SLC25A26: variants seen among roughly 807,000 people sequenced by gnomAD.
SLC25A26 encodes the protein solute carrier family 25 member 26, also known as mitochondrial S-adenosylmethionine carrier protein.
A neutral mutation model predicts 37.8 loss-of-function variants in SLC25A26; 36 were observed. The observed-to-expected ratio is 0.95, with a 90% CI of 0.73 to 1.26. The LOEUF is 1.26. Among genes scored for constraint, SLC25A26 ranks in the 50% most tolerant of loss-of-function variants. The pLI is 0.00. For synonymous variants in SLC25A26, 129 were observed against 122.5 expected (o/e 1.05, Z -0.35); for missense variants, 390 against 331.1 (o/e 1.18, Z -1.38).
At chr3:66,244,071 C>T (rs782572631) in intron 3 of SLC25A26, among the ~76,000 whole-genome samples, 5 of 152,298 alleles carry the variant, frequency 3.3e-5, no homozygotes, top group South Asian at 2.1e-4. Context: ...GGAGAAGCAA[C>T]AGCCCTATAC....
At position 66,209,928 on chromosome 3, in the gene SLC25A26, A is replaced by ATATATATATG. The variant is rs2071260910; in HGVS notation, c.-353-10805_-353-10804insGTATATATAT. Among the ~76,000 whole-genome samples, 4 of 74,684 alleles carry ATATATATATG rather than the reference A, an allele frequency of 5.4e-5. 1 individual carries two copies. Among genetic ancestry groups the ATATATATATG allele is most frequent in the African/African-American group, 2.5e-4 (4 of 15,874 alleles). The allele number at this position is 74,684 out of a possible 152,430, so 49.0% of individuals were successfully genotyped here. ...TATATATATATATATATATATATAT[A>ATATATATATG]TATATATATATATATATATGCAGTA... On this transcript the variant is annotated intron_variant, in intron 1 of 10. Coordinates refer to the SLC25A26 transcript ENST00000676754.
chr3:66,349,127 A>G (rs181561930), intron 6 of SLC25A26, among the ~76,000 whole-genome samples: 20 of 152,362 alleles, frequency 1.3e-4, no homozygotes, highest in East Asian at 5.8e-4. Context: ...GTAGAATTCT[A>G]GCTAGTTAAG....
chr3:66,270,548 T>A (rs2073923175), intron 5 of SLC25A26, among the ~76,000 whole-genome samples: 1 of 152,218 alleles, frequency 6.6e-6, no homozygotes, highest in Admixed American at 6.5e-5. Flanking sequence ...TAATGAGACA[T>A]TCTTTTTGAT....
chr3:66,243,153 G>C, intron 2 of SLC25A26, 50 bp from the exon 3 acceptor site: 1 of 846,428 alleles, frequency 1.2e-6, no homozygotes, highest in Non-Finnish European at 2.0e-6. Flanking sequence ...TCTTAACAGT[G>C]TGAATATATG....
At chr3:66,281,620 G>A (rs540880604) in intron 5 of SLC25A26, among the ~76,000 whole-genome samples, 42 of 152,144 alleles carry the variant, frequency 2.8e-4, no homozygotes, top group African/African-American at 8.2e-4. Flanking sequence ...CAGTTTACTC[G>A]TTTAAAGTGA....
At position 66,236,524 on chromosome 3, in the gene SLC25A26, T is replaced by C; in HGVS notation, c.34-20T>C. 7.0e-7 allele frequency: 1 copy of C among 1,431,776 alleles called. No individual in the cohort carries two copies. 88.7% of individuals were successfully genotyped at this position (1,431,776 alleles called of 1,614,324 possible). A position where few individuals can be genotyped will look rare whatever the true frequency, so the allele number is the denominator to read the frequency against. On this transcript the variant is annotated intron_variant, in intron 1 of 9. Coordinates refer to ENST00000354883, the MANE Select transcript of SLC25A26 (RefSeq NM_001379210.1). Reference sequence around the variant, plus strand: ...TGTAACCTTTTTTTTTTCTTTTTCTTCCCTCTTTTTTTTTCAAAGGCTGGT... The same window carrying C: ...TGTAACCTTTTTTTTTTCTTTTTCTCCCCTCTTTTTTTTTCAAAGGCTGGT...
intron 6 of SLC25A26, among the ~76,000 whole-genome samples, chr3:66,355,052 C>T (rs1028693718): frequency 6.6e-6 from 1 of 152,098 alleles, no homozygotes; most frequent in Admixed American, 6.6e-5. Context: ...ATAGAAAGCT[C>T]ATAGAACCCC....
At chr3:66,289,065 C>G (rs932103489) in intron 5 of SLC25A26, among the ~76,000 whole-genome samples, 2 of 152,180 alleles carry the variant, frequency 1.3e-5, no homozygotes, top group Admixed American at 1.3e-4. Context: ...ATTTGCATTT[C>G]TCTAATGCCC....
rs562859432 is a variant in SLC25A26, at chr3:66,331,338, T to C, written c.454-15026T>C. 3.3e-5 allele frequency among the ~76,000 whole-genome samples: 5 copies of C among 152,346 alleles called. No individual in the cohort carries two copies. The South Asian group carries it at 1.0e-3, about 32-fold the overall frequency. ...GAATTTGTATTTCATTTAACTGCTG[T>C]ATTTTAGTTTGAGTATTGGTTTGTG... On this transcript the variant is annotated intron_variant, in intron 5 of 9. Coordinates refer to ENST00000354883, the MANE Select transcript of SLC25A26 (RefSeq NM_001379210.1).
At chr3:66,204,781 A>G (rs2071156274) in intron 1 of SLC25A26, among the ~76,000 whole-genome samples, 1 of 152,212 alleles carries the variant, frequency 6.6e-6, no homozygotes, top group Non-Finnish European at 1.5e-5. Context: ...GTGATAGATT[A>G]TCAATGTCTG....
chr3:66,279,398 C>G lies in SLC25A26; in HGVS notation c.453+16019C>G, dbSNP rs185933771. Among the ~76,000 whole-genome samples, 36 of 152,292 alleles carry G rather than the reference C, an allele frequency of 2.4e-4. 1 individual carries two copies. The East Asian group carries it at 3.3e-3, about 14-fold the overall frequency. On this transcript the variant is annotated intron_variant, in intron 5 of 9. Coordinates refer to ENST00000354883, the MANE Select transcript of SLC25A26 (RefSeq NM_001379210.1). ...GGCAGCCCAGGTTTTGCCAACAGCT[C>G]TGCCTCTGTTAAACTTACACCTGGT...
At chr3:66,277,530 TG>T (rs2074197132) in intron 5 of SLC25A26, among the ~76,000 whole-genome samples, 1 of 152,104 alleles carries the variant, frequency 6.6e-6, no homozygotes, top group South Asian at 2.1e-4. Flanking sequence ...TGAAAAGTGA[TG>T]GATGTGTTAA....
intron 5 of SLC25A26, among the ~76,000 whole-genome samples, chr3:66,317,671 T>A (rs1054463247): frequency 7.2e-5 from 11 of 152,174 alleles, no homozygotes; most frequent in Non-Finnish European, 2.9e-5. Flanking sequence ...GGAATCCCCC[T>A]CATCCAGGCT....
intron 6 of SLC25A26, 41 bp from the exon 7 acceptor site, chr3:66,362,819 A>G (rs541937268): frequency 9.7e-6 from 14 of 1,436,760 alleles, no homozygotes; most frequent in South Asian, 2.6e-5. Context: ...GATAAATTCA[A>G]ATATTTAATA....
intron 1 of SLC25A26, among the ~76,000 whole-genome samples, chr3:66,199,102 T>C (rs2071080156): frequency 6.6e-6 from 1 of 151,534 alleles, no homozygotes; most frequent in African/African-American, 2.4e-5. Flanking sequence ...TCAAACCTGA[T>C]GTCACCCTGA....
chr3:66,359,206 C>T (rs1341386786), intron 6 of SLC25A26, among the ~76,000 whole-genome samples: 2 of 152,174 alleles, frequency 1.3e-5, no homozygotes, highest in Non-Finnish European at 2.9e-5. Context: ...CCCTGGCAAC[C>T]AATTTTTTTC....
chr3:66,224,037 G>T (rs2071623992), intron 1 of SLC25A26, among the ~76,000 whole-genome samples: 1 of 152,202 alleles, frequency 6.6e-6, no homozygotes, highest in Admixed American at 6.5e-5. Flanking sequence ...ATAAAAAATA[G>T]TGCTTGTGAA....
At chr3:66,375,631 C>T (rs1256170059) in intron 9 of SLC25A26, among the ~76,000 whole-genome samples, 2 of 152,194 alleles carry the variant, frequency 1.3e-5, no homozygotes, top group Non-Finnish European at 2.9e-5. Flanking sequence ...AGCGACAGCA[C>T]ATCTCTTTAC....
chr3:66,226,290 C>A (rs1401294559), intron 1 of SLC25A26, among the ~76,000 whole-genome samples: 1 of 152,080 alleles, frequency 6.6e-6, no homozygotes, highest in Non-Finnish European at 1.5e-5. Context: ...AGGAGAACTC[C>A]CCTTTATGAG....
Sources: allele counts gnomAD v4.1 joint callset (sites outside exome capture counted in the v4.1 genomes callset), GRCh38; gene constraint gnomAD v4.1.1; transcripts MANE v1.5; gene names NCBI Gene and HGNC (gene_info 2026-07-23, HGNC 2026-07-21).